BNC2: variants seen among roughly 807,000 people sequenced by gnomAD.
The protein encoded by BNC2 is basonuclin zinc finger protein 2, also known as zinc finger protein basonuclin-2.
In BNC2, 20 loss-of-function variants were observed where a neutral mutation model predicts 76.3. That is an observed-to-expected ratio of 0.26 (90% CI 0.18 to 0.38). The LOEUF is 0.38. BNC2 is among the 10% of genes least tolerant of loss of function. The probability of loss-of-function intolerance (pLI) is 1.00; values close to 1 mark genes in which losing one functional copy is unlikely to be tolerated. For missense variants in BNC2, 1,382 were observed against 1,399.8 expected, an observed-to-expected ratio of 0.99 and a Z score of 0.20; for synonymous variants, 582 against 514.8, an observed-to-expected ratio of 1.13 and a Z score of -1.77.
At chr9:16,777,365 T>A (rs539890798) in intron 1 of BNC2, among the ~76,000 whole-genome samples, 34 of 152,052 alleles carry the variant, frequency 2.2e-4, no homozygotes, top group African/African-American at 8.0e-4. Flanking sequence ...GGAGCAAATT[T>A]GAATTGAATT....
Position 16,519,525 on chromosome 9 carries a change from G to A in BNC2, c.669+33005C>T, listed in dbSNP as rs111829497. On this transcript the variant is annotated intron_variant, in intron 5 of 6. Coordinates refer to ENST00000380672, the MANE Select transcript of BNC2 (RefSeq NM_017637.6). ...TGGCGAATGAGCCCTAGTGGCAGTGGGTGGACTTCAAAGGCAGCACACTAG... is the reference window on the plus strand; with the variant it reads ...TGGCGAATGAGCCCTAGTGGCAGTGAGTGGACTTCAAAGGCAGCACACTAG... Among the ~76,000 whole-genome samples the A allele has an allele frequency of 7.1e-3, 1,086 of 152,230 alleles. 7 individuals are homozygous for A. The highest frequency in any genetic ancestry group is 8.4e-3 in the Non-Finnish European group (574 of 68,020).
At chr9:16,680,182 T>C (rs558066656) in intron 3 of BNC2, among the ~76,000 whole-genome samples, 87 of 152,242 alleles carry the variant, frequency 5.7e-4, no homozygotes, top group South Asian at 2.5e-3. Context: ...GCCATTTACT[T>C]AGGTTTAGGA....
At chr9:16,483,004 C>T (rs764276675) in intron 5 of BNC2, among the ~76,000 whole-genome samples, 2 of 152,140 alleles carry the variant, frequency 1.3e-5, no homozygotes, top group African/African-American at 4.8e-5. Flanking sequence ...TTCGATTACA[C>T]ATGTATTTTC....
At chr9:16,595,639 A>T (rs1289716534) in intron 3 of BNC2, among the ~76,000 whole-genome samples, 1 of 152,192 alleles carries the variant, frequency 6.6e-6, no homozygotes, top group African/African-American at 2.4e-5. Flanking sequence ...GAAATTCCAC[A>T]AATTTCTATG....
intron 3 of BNC2, among the ~76,000 whole-genome samples, chr9:16,693,734 A>C (rs1823252466): frequency 6.6e-6 from 1 of 152,234 alleles, no homozygotes; most frequent in Non-Finnish European, 1.5e-5. Context: ...CTGTAAAGAA[A>C]AGAAAGGAAG....
rs535185604 is a variant in BNC2, at chr9:16,732,204, T to TA, written c.130-4208dup. ...AAAAAAGAAAAAACCTATGTTGGTG[T>TA]AAAAAATCAGCCACAATGAATACAT... On this transcript the variant is annotated intron_variant, in intron 2 of 6. Coordinates refer to ENST00000380672, the MANE Select transcript of BNC2 (RefSeq NM_017637.6). Among the ~76,000 whole-genome samples the TA allele has an allele frequency of 3.4e-3, 459 of 136,896 alleles. 1 individual carries two copies. The highest frequency in any genetic ancestry group is 0.012 in the African/African-American group (445 of 38,154). The allele number at this position is 136,896 out of a possible 152,430, so 89.8% of individuals were successfully genotyped here.
At chr9:16,854,938 G>A (rs1299032859) in intron 1 of BNC2, among the ~76,000 whole-genome samples, 1 of 151,918 alleles carries the variant, frequency 6.6e-6, no homozygotes, top group Non-Finnish European at 1.5e-5. Flanking sequence ...AGGAGGAGAA[G>A]ACCCTCAGGC....
rs994094011 is a variant in BNC2 at position 16,520,292 on chromosome 9, A to G, written c.669+32238T>C. Among the ~76,000 whole-genome samples, 3 of 152,198 alleles carry G rather than the reference A, an allele frequency of 2.0e-5. No homozygotes were observed. In the East Asian group the frequency reaches 5.8e-4, roughly 29 times the overall value. ...AGGGTCACAGAAAAGGAAACATCGA[A>G]GGTCAGTGCTTCATTATGTGAGTGA... On this transcript the variant is annotated intron_variant, in intron 5 of 6. Coordinates refer to ENST00000380672, the MANE Select transcript of BNC2 (RefSeq NM_017637.6).
chr9:16,714,584 T>C (rs184848345), intron 3 of BNC2, among the ~76,000 whole-genome samples: 5 of 152,360 alleles, frequency 3.3e-5, no homozygotes, highest in Non-Finnish European at 7.3e-5. Context: ...GTTGAGTTCT[T>C]CTCTGAAGTT....
chr9:16,582,575 A>G (rs1393226195), intron 4 of BNC2, among the ~76,000 whole-genome samples: 2 of 152,174 alleles, frequency 1.3e-5, no homozygotes, highest in Non-Finnish European at 1.5e-5. Flanking sequence ...CCGAGCACAT[A>G]CGACAAGGGT....
At chr9:16,756,706 T>A (rs947965425) in intron 1 of BNC2, among the ~76,000 whole-genome samples, 1 of 152,154 alleles carries the variant, frequency 6.6e-6, no homozygotes, top group Non-Finnish European at 1.5e-5. Context: ...AAACTAGACC[T>A]AGGCTGGGCA....
chr9:16,568,669 T>A (rs965158678), intron 4 of BNC2, among the ~76,000 whole-genome samples: 7 of 152,262 alleles, frequency 4.6e-5, no homozygotes, highest in East Asian at 1.9e-4. Flanking sequence ...AGGCAAAGAC[T>A]TAGTCTACTC....
intron 1 of BNC2, among the ~76,000 whole-genome samples, chr9:16,850,612 G>C (rs563674748): frequency 6.6e-6 from 1 of 152,316 alleles, no homozygotes; most frequent in South Asian, 2.1e-4. Flanking sequence ...GCCCATGCCT[G>C]TAATTCCACC....
chr9:16,699,751 C>T (rs1354712649), intron 3 of BNC2, among the ~76,000 whole-genome samples: 1 of 152,184 alleles, frequency 6.6e-6, no homozygotes, highest in African/African-American at 2.4e-5. Flanking sequence ...GGTTATATAA[C>T]TTTTACAAAG....
At chr9:16,741,282 C>T (rs1035006357) in intron 1 of BNC2, among the ~76,000 whole-genome samples, 3 of 151,952 alleles carry the variant, frequency 2.0e-5, no homozygotes, top group Admixed American at 6.6e-5. Flanking sequence ...GGAGAAACCC[C>T]GTTTCTACTA....
chr9:16,722,679 A>C (rs1824192719), intron 3 of BNC2, among the ~76,000 whole-genome samples: 2 of 152,216 alleles, frequency 1.3e-5, no homozygotes, highest in South Asian at 2.1e-4. Flanking sequence ...AATCATGTTG[A>C]AAATAAACTC....
chr9:16,676,691 C>T (rs1003513764), intron 3 of BNC2, among the ~76,000 whole-genome samples: 42 of 152,192 alleles, frequency 2.8e-4, no homozygotes, highest in African/African-American at 9.4e-4. Flanking sequence ...AAATTTAATG[C>T]TGCCTAAGCA....
chr9:16,519,726 G>C (rs555088834), intron 5 of BNC2, among the ~76,000 whole-genome samples: 2 of 152,334 alleles, frequency 1.3e-5, no homozygotes, highest in East Asian at 3.9e-4. Flanking sequence ...AACCCTGTAA[G>C]GTAGACATTA....
intron 3 of BNC2, among the ~76,000 whole-genome samples, chr9:16,605,077 A>G (rs1429848957): frequency 6.6e-6 from 1 of 152,184 alleles, no homozygotes; most frequent in East Asian, 1.9e-4. Context: ...TACACGCCAA[A>G]GAATAAGTCA....
Sources: gnomAD v4.1 joint callset for allele counts (sites outside exome capture counted in the v4.1 genomes callset) on GRCh38, gnomAD v4.1.1 for gene constraint, MANE v1.5 for transcripts, NCBI Gene and HGNC (gene_info 2026-07-23, HGNC 2026-07-21) for gene names.